PAK2: variants seen among roughly 807,000 people sequenced by gnomAD.
PAK2 encodes the protein p21 (RAC1) activated kinase 2.
In PAK2, 21 loss-of-function variants were observed where a neutral mutation model predicts 65.9. The ratio of observed to expected loss-of-function variants is 0.32; its 90% CI spans 0.23 to 0.46. The LOEUF (loss-of-function observed/expected upper bound fraction) is 0.46. Among genes scored for constraint, PAK2 ranks in the 20% least tolerant of loss-of-function variants. The pLI, the probability that PAK2 is intolerant of heterozygous loss-of-function variation, is 1.00. For synonymous variants in PAK2, 204 were observed against 219.7 expected (o/e 0.93, Z 0.63); for missense variants, 324 against 642.6 (o/e 0.50, Z 5.36).
chr3:196,786,598 A>G (rs544612389), intron 2 of PAK2, among the ~76,000 whole-genome samples: 148 of 152,054 alleles, frequency 9.7e-4, no homozygotes, highest in African/African-American at 3.5e-3. Flanking sequence ...GCTGGATTTT[A>G]TTTTTGTATA....
intron 11 of PAK2, among the ~76,000 whole-genome samples, chr3:196,816,486 T>C (rs920567496): frequency 2.0e-5 from 3 of 152,160 alleles, no homozygotes; most frequent in Non-Finnish European, 4.4e-5. Context: ...GTAATTGATA[T>C]AAAAATTAAT....
chr3:196,828,594 C>T lies in PAK2; in HGVS notation c.*189C>T. ...AGACAAGTATGACTTTTATATGAAC[C>T]CCTTCTTTAGGGTCCAGAAGGAATT... On this transcript the variant is annotated 3_prime_UTR_variant, in exon 15 of 15. Transcript: ENST00000327134. The T allele has an allele frequency of 1.8e-6, 1 of 557,734 alleles. No individual in the cohort carries two copies. The highest frequency in any genetic ancestry group is 3.6e-5 in the Admixed American group (1 of 27,658). The allele number at this position is 557,734 out of a possible 1,614,324, so 34.5% of individuals were successfully genotyped here. A position where few individuals can be genotyped will look rare whatever the true frequency, so the allele number is the denominator to read the frequency against.
chr3:196,819,979 C>T (rs1346054463), intron 12 of PAK2, among the ~76,000 whole-genome samples: 1 of 152,128 alleles, frequency 6.6e-6, no homozygotes, highest in Non-Finnish European at 1.5e-5. Context: ...TCTGTCTCTA[C>T]AAAAAATTTT....
intron 8 of PAK2, among the ~76,000 whole-genome samples, chr3:196,811,412 G>A (rs1409429398): frequency 3.3e-5 from 2 of 61,062 alleles, no homozygotes; most frequent in Non-Finnish European, 5.7e-5. Context: ...TTTTTTGGCG[G>A]AGTCTGTCAC....
chr3:196,755,030 C>T (rs79382248), intron 1 of PAK2, among the ~76,000 whole-genome samples: 4,279 of 152,220 alleles, frequency 0.028, 87 homozygotes, highest in Non-Finnish European at 0.043. Context: ...GGCTGGGTCA[C>T]GAGTCTTTTT....
chr3:196,804,241 A>AGG (rs1715509000), intron 4 of PAK2, among the ~76,000 whole-genome samples: 2 of 152,214 alleles, frequency 1.3e-5, no homozygotes, highest in African/African-American at 4.8e-5. Context: ...GCCATGTGCA[A>AGG]GGGAGAAATA....
rs569394528 is a variant in PAK2, at chr3:196,776,428, T to C, written c.-21-6198T>C. On this transcript the variant is annotated intron_variant, in intron 1 of 14. Coordinates refer to ENST00000327134, the MANE Select transcript of PAK2 (RefSeq NM_002577.4). ...GTTTCATGCAACACCTTTTTTTATT[T>C]GGAAGAACAACTGACCCACAAATTC... Among the ~76,000 whole-genome samples the C allele has an allele frequency of 2.0e-5, 3 of 152,316 alleles. No homozygotes were observed. The East Asian group carries it at 5.8e-4, about 29-fold the overall frequency.
chr3:196,825,443 A>G (rs1470171930), intron 13 of PAK2, among the ~76,000 whole-genome samples: 1 of 151,832 alleles, frequency 6.6e-6, no homozygotes, highest in Non-Finnish European at 1.5e-5. Context: ...GGAGTTTAAG[A>G]CCAGCCTGGC....
At chr3:196,817,307 G>A (rs748589296) in intron 11 of PAK2, among the ~76,000 whole-genome samples, 1 of 151,196 alleles carries the variant, frequency 6.6e-6, no homozygotes, top group Non-Finnish European at 1.5e-5. Context: ...TGGGATTACA[G>A]GCCTGAGGCA....
intron 13 of PAK2, among the ~76,000 whole-genome samples, chr3:196,822,218 G>A (rs9829778): frequency 0.52 from 79,670 of 152,096 alleles, 21,463 homozygotes; most frequent in African/African-American, 0.63. Context: ...GCCATGCGCT[G>A]AGCACTATTC....
At chr3:196,746,820 A>G (rs1245794850) in intron 1 of PAK2, among the ~76,000 whole-genome samples, 1 of 90,674 alleles carries the variant, frequency 1.1e-5, no homozygotes, top group African/African-American at 4.8e-5. Flanking sequence ...CATTAAAAAA[A>G]AAAAAAAAAA....
At chr3:196,746,102 C>T (rs1039397538) in intron 1 of PAK2, among the ~76,000 whole-genome samples, 1 of 152,028 alleles carries the variant, frequency 6.6e-6, no homozygotes, top group African/African-American at 2.4e-5. Flanking sequence ...GTTGGACAGG[C>T]ATGAGCCACC....
rs1052047098 is a variant in PAK2 at position 196,790,137 on chromosome 3, T to C, written c.187+7304T>C. ...AAAAGAACAAAGGAGGAATTACTTA[T>C]GGTTAGACTAGAAACAGAAGAGTCT... On this transcript the variant is annotated intron_variant, in intron 2 of 14. Coordinates refer to ENST00000327134, the MANE Select transcript of PAK2 (RefSeq NM_002577.4). 4.6e-5 allele frequency among the ~76,000 whole-genome samples: 7 copies of C among 152,352 alleles called. No individual in the cohort carries two copies. In the East Asian group the frequency reaches 5.8e-4, roughly 13 times the overall value.
At chr3:196,752,169 A>T (rs1560090075) in intron 1 of PAK2, among the ~76,000 whole-genome samples, 1 of 152,154 alleles carries the variant, frequency 6.6e-6, no homozygotes, top group East Asian at 1.9e-4. Flanking sequence ...TGGATAAGGG[A>T]TACTCAACCT....
intron 2 of PAK2, among the ~76,000 whole-genome samples, chr3:196,789,967 T>C (rs1715018031): frequency 6.6e-6 from 1 of 152,162 alleles, no homozygotes; most frequent in Non-Finnish European, 1.5e-5. Context: ...CAGGCGGTGG[T>C]GCTCACTCCC....
chr3:196,817,050 TGG>T (rs1468219407), intron 11 of PAK2, among the ~76,000 whole-genome samples: 4 of 151,922 alleles, frequency 2.6e-5, no homozygotes, highest in Non-Finnish European at 4.4e-5. Context: ...CATGTTCAAA[TGG>T]GAATGATCAA....
At chr3:196,777,073 G>A (rs575436087) in intron 1 of PAK2, among the ~76,000 whole-genome samples, 12 of 152,292 alleles carry the variant, frequency 7.9e-5, no homozygotes, top group Non-Finnish European at 1.3e-4. Context: ...TTGCAGAAAT[G>A]TCAAAGAATA....
chr3:196,806,359 T>G (rs1715584116), intron 5 of PAK2, among the ~76,000 whole-genome samples: 1 of 152,164 alleles, frequency 6.6e-6, no homozygotes, highest in African/African-American at 2.4e-5. Flanking sequence ...TATTTGGTAC[T>G]CACCATATAT....
Position 196,828,564 on chromosome 3 carries a change from C to G in PAK2, c.*159C>G, listed in dbSNP as rs1046725. On this transcript the variant is annotated 3_prime_UTR_variant, in exon 15 of 15. Coordinates refer to ENST00000327134, the MANE Select transcript of PAK2 (RefSeq NM_002577.4). ...TCTGAAGACAACCAAGAGAAAATTG[C>G]AAAAAGACAAGTATGACTTTTATAT... The G allele has an allele frequency of 1.3e-4, 80 of 611,414 alleles. No individual in the cohort carries two copies. In the Middle Eastern group the frequency reaches 2.7e-3, roughly 20 times the overall value. 37.9% of individuals were successfully genotyped at this position (611,414 alleles called of 1,614,324 possible).
Sources: allele counts gnomAD v4.1 joint callset (sites outside exome capture counted in the v4.1 genomes callset), GRCh38; gene constraint gnomAD v4.1.1; transcripts MANE v1.5; gene names NCBI Gene and HGNC (gene_info 2026-07-23, HGNC 2026-07-21).